The following C4orf51 variants were observed in gnomAD, a reference collection of about 807,000 sequenced individuals.
The protein encoded by C4orf51 is chromosome 4 open reading frame 51, also known as uncharacterized protein C4orf51.
In C4orf51, 25 loss-of-function variants were observed where a neutral mutation model predicts 25.2. The ratio of observed to expected loss-of-function variants is 0.99; its 90% CI spans 0.72 to 1.39. C4orf51 has a LOEUF of 1.39. Ranked by LOEUF, C4orf51 falls within the 40% of genes most tolerant of loss-of-function variation. The pLI is 0.00. For missense variants in C4orf51, 252 were observed against 239.6 expected (o/e 1.05, Z -0.34); for synonymous variants, 100 against 84.5 (o/e 1.18, Z -1.01).
At position 145,761,875 on chromosome 4, in the gene C4orf51, G is replaced by C. The variant is rs1319739053; in HGVS notation, n.167-9113G>C. Among the ~76,000 whole-genome samples the C allele has an allele frequency of 6.6e-6, 1 of 152,172 alleles. No homozygotes were observed. Among genetic ancestry groups the C allele is most frequent in the Non-Finnish European group, 1.5e-5 (1 of 68,038 alleles). On this transcript the variant is annotated intron_variant and non_coding_transcript_variant, in intron 1 of 1. Coordinates refer to the C4orf51 transcript ENST00000510096. The surrounding 1 kb of genome is among the most constrained non-coding windows in gnomAD (Gnocchi z 6.8). ...ACAGGCAAGGCCAGCCCTCACCAAGGGGAGCAGAGAAAGTGCCAGGAATCA... is the reference window on the plus strand; with the variant it reads ...ACAGGCAAGGCCAGCCCTCACCAAGCGGAGCAGAGAAAGTGCCAGGAATCA...
downstream of C4orf51, among the ~76,000 whole-genome samples, chr4:145,733,212 C>T (rs980924066): frequency 1.3e-5 from 2 of 152,034 alleles, no homozygotes; most frequent in African/African-American, 4.8e-5. Flanking sequence ...CCCGGCCCGC[C>T]GGAGCGGCCG....
intron 1 of C4orf51, among the ~76,000 whole-genome samples, chr4:145,688,800 T>A (rs1729345580): frequency 6.6e-6 from 1 of 152,196 alleles, no homozygotes; most frequent in African/African-American, 2.4e-5. Flanking sequence ...TTCCAATAGG[T>A]GTTTTTGTAG....
the C4orf51 span, among the ~76,000 whole-genome samples, chr4:145,791,992 G>A: frequency 1.3e-5 from 2 of 152,156 alleles, no homozygotes; most frequent in Non-Finnish European, 2.9e-5. Flanking sequence ...GTGTCCATGG[G>A]ATGTGTCATT....
At chr4:145,767,905 C>T (rs1315016529) in intron 1 of C4orf51, among the ~76,000 whole-genome samples, 1 of 152,082 alleles carries the variant, frequency 6.6e-6, no homozygotes, top group African/African-American at 2.4e-5. Context: ...CTGATCTACA[C>T]AAAAGAATGA....
In C4orf51 at chr4:145,761,357, G is replaced by T; in HGVS notation, n.167-9631G>T. On this transcript the variant is annotated intron_variant and non_coding_transcript_variant, in intron 1 of 1. Transcript: ENST00000510096. The surrounding 1 kb of genome is among the most constrained non-coding windows in gnomAD (Gnocchi z 6.8). ...TAGCTGCACTGGTCACAGTGGAAGG[G>T]CCGCTCCCCGGTGTGGACGCGCACG... is the stretch of plus-strand genomic sequence containing the variant. The T allele has an allele frequency of 7.8e-7, 1 of 1,289,978 alleles. No homozygotes were observed. Among genetic ancestry groups the T allele is most frequent in the Non-Finnish European group, 1.0e-6 (1 of 988,902 alleles). The allele number at this position is 1,289,978 out of a possible 1,614,324, so 79.9% of individuals were successfully genotyped here. A position where few individuals can be genotyped will look rare whatever the true frequency, so the allele number is the denominator to read the frequency against.
chr4:145,736,416 C>G (rs966330365), downstream of C4orf51, among the ~76,000 whole-genome samples: 1 of 152,086 alleles, frequency 6.6e-6, no homozygotes, highest in African/African-American at 2.4e-5. Flanking sequence ...GCTTTAGGGG[C>G]AGGACCTGAT....
chr4:145,790,869 G>GGTT, the C4orf51 span, among the ~76,000 whole-genome samples: 1 of 152,148 alleles, frequency 6.6e-6, no homozygotes, highest in South Asian at 2.1e-4. Context: ...CCTGACCTTG[G>GGTT]GTTTTAGCAC....
chr4:145,689,384 G>C (rs1729386020), intron 1 of C4orf51, among the ~76,000 whole-genome samples: 1 of 151,462 alleles, frequency 6.6e-6, no homozygotes, highest in Non-Finnish European at 1.5e-5. Context: ...CTGACAAAAG[G>C]CTTGCATCTA....
At chr4:145,775,164 G>A (rs1237378169), downstream of C4orf51, among the ~76,000 whole-genome samples, 2 of 152,096 alleles carry the variant, frequency 1.3e-5, no homozygotes, top group Non-Finnish European at 2.9e-5. Context: ...ACTCTATCCG[G>A]GACAACTTCT....
At chr4:145,681,860 C>A (rs1242009185) in intron 1 of C4orf51, among the ~76,000 whole-genome samples, 2 of 152,112 alleles carry the variant, frequency 1.3e-5, no homozygotes, top group South Asian at 4.1e-4. Flanking sequence ...CTTATTAGTC[C>A]TTACCTCCCA....
chr4:145,783,608 C>T, the C4orf51 span, among the ~76,000 whole-genome samples: 2 of 152,340 alleles, frequency 1.3e-5, no homozygotes. Flanking sequence ...CTGCCTTCTC[C>T]AGCCATGGAA....
intron 1 of C4orf51, among the ~76,000 whole-genome samples, chr4:145,687,051 G>C (rs1189555582): frequency 6.6e-6 from 1 of 152,072 alleles, no homozygotes. Flanking sequence ...TAAATCTTGG[G>C]GCCCCCAAAT....
In C4orf51 at chr4:145,684,350, C is replaced by T. The variant is rs540637965; in HGVS notation, c.233+3914C>T. Among the ~76,000 whole-genome samples, 484 of 152,132 alleles carry T rather than the reference C, an allele frequency of 3.2e-3. 25 individuals carry two copies. In the South Asian group the frequency reaches 0.094, roughly 30 times the overall value. On this transcript the variant is annotated intron_variant, in intron 1 of 5. Coordinates refer to ENST00000438731, the MANE Select transcript of C4orf51 (RefSeq NM_001080531.3). ...ACAAAAAATTAGCCAGGCTTGGTGG[C>T]GGGTGCCTGTAGTCCCAGCTACTCA...
intron 1 of C4orf51, among the ~76,000 whole-genome samples, chr4:145,744,201 G>C (rs200923449): frequency 1.6e-4 from 25 of 152,080 alleles, no homozygotes; most frequent in East Asian, 7.7e-4. Context: ...GGGAATCTTG[G>C]GGGGAGAAAT....
intron 2 of C4orf51, among the ~76,000 whole-genome samples, chr4:145,714,953 T>C (rs1461684632): frequency 6.6e-6 from 1 of 152,212 alleles, no homozygotes; most frequent in Non-Finnish European, 1.5e-5. Flanking sequence ...CCAGACCAGA[T>C]GCCGAGAGGC....
chr4:145,753,798 A>G (rs1323993237), intron 1 of C4orf51, among the ~76,000 whole-genome samples: 3 of 152,164 alleles, frequency 2.0e-5, no homozygotes, highest in Non-Finnish European at 2.9e-5. Context: ...CAAAGAGGCT[A>G]TGGTGGAAGG....
intron 4 of C4orf51, 68 bp downstream of exon 4, chr4:145,729,297 A>ATTTTTTTTTTTTTTTT (rs547075220): frequency 1.0e-5 from 3 of 292,926 alleles, no homozygotes; most frequent in Admixed American, 7.3e-5. Context: ...TGGTCATGTG[A>ATTTTTTTTTTTTTTTT]TTTTTTTTTT....
At position 145,680,274 on chromosome 4, in the gene C4orf51, A is replaced by T. The variant is rs186075014; in HGVS notation, c.71A>T (p.Asp24Val). 89 of 1,613,986 alleles carry T rather than the reference A, an allele frequency of 5.5e-5. 1 individual carries two copies. The East Asian group carries it at 2.0e-3, about 36-fold the overall frequency. ...PFSPLTSQEFDLIRRKAGASW... is the reference protein window; with the variant it reads ...PFSPLTSQEFVLIRRKAGASW... The stretch of plus-strand genomic sequence containing the variant: ...AGCCCTCTTACTTCTCAAGAGTTTG[A>T]TCTGATCAGACGCAAGGCTGGAGCA... Residue 24 changes from aspartate to valine, a missense_variant, in exon 1 of 6, where the codon GAT becomes GTT. By Grantham distance (152) the Asp-to-Val change is radical. Coordinates refer to ENST00000438731, the MANE Select transcript of C4orf51 (RefSeq NM_001080531.3).
chr4:145,706,038 G>A (rs1311087757), intron 2 of C4orf51, among the ~76,000 whole-genome samples: 3 of 151,708 alleles, frequency 2.0e-5, no homozygotes, highest in Non-Finnish European at 2.9e-5. Flanking sequence ...AGAGATCACT[G>A]GTTGGTTCAC....
Sources: gnomAD v4.1 joint callset for allele counts (sites outside exome capture counted in the v4.1 genomes callset) on GRCh38, gnomAD v4.1.1 for gene constraint, Gnocchi (gnomAD v3.1) non-coding constraint, MANE v1.5 for transcripts, NCBI Gene and HGNC (gene_info 2026-07-23, HGNC 2026-07-21) for gene names.